The following ROBO2 variants were observed in gnomAD, a reference collection of about 807,000 sequenced individuals.
ROBO2 encodes roundabout homolog 2.
Under a neutral mutation model 160.8 loss-of-function variants are expected in ROBO2, and 53 were observed. The observed-to-expected ratio is 0.33, with a 90% CI of 0.26 to 0.41. ROBO2 has a LOEUF of 0.41. Among genes scored for constraint, ROBO2 ranks in the 10% least tolerant of loss-of-function variants. The pLI is 1.00. For missense variants in ROBO2, 1,577 were observed against 1,722.4 expected (o/e 0.92, Z 1.49); for synonymous variants, 664 against 611.7 (o/e 1.09, Z -1.26).
intron 2 of ROBO2, among the ~76,000 whole-genome samples, chr3:77,223,231 G>A (rs1421183179): frequency 6.6e-6 from 1 of 152,056 alleles, no homozygotes; most frequent in African/African-American, 2.4e-5. Context: ...CAAAAAATAG[G>A]CTTTGAAAGG....
chr3:76,273,649 C>G (rs1351342505), intron 2 of ROBO2, among the ~76,000 whole-genome samples: 1 of 151,960 alleles, frequency 6.6e-6, no homozygotes, highest in Non-Finnish European at 1.5e-5. Context: ...AACTCACTCA[C>G]GATCATGAGA....
chr3:77,442,448 T>A (rs1398336248), intron 2 of ROBO2, among the ~76,000 whole-genome samples: 1 of 152,168 alleles, frequency 6.6e-6, no homozygotes, highest in Non-Finnish European at 1.5e-5. Context: ...TTTCAAACTT[T>A]TTTCACCCAA....
intron 1 of ROBO2, among the ~76,000 whole-genome samples, chr3:75,930,010 A>G (rs1257457139): frequency 6.6e-6 from 1 of 152,148 alleles, no homozygotes; most frequent in African/African-American, 2.4e-5. Context: ...TCATTTATTT[A>G]AGGCTTTAGA....
At chr3:76,028,277 G>A (rs1294978399) in intron 2 of ROBO2, among the ~76,000 whole-genome samples, 1 of 151,632 alleles carries the variant, frequency 6.6e-6, no homozygotes, top group African/African-American at 2.4e-5. Context: ...AATACATGAA[G>A]GTAAACTAGG....
intron 2 of ROBO2, among the ~76,000 whole-genome samples, chr3:77,318,109 A>G (rs949114781): frequency 6.6e-6 from 1 of 151,768 alleles, no homozygotes; most frequent in Admixed American, 6.6e-5. Flanking sequence ...GTATAGTGGC[A>G]TAGTCTCGGC....
chr3:76,882,086 T>TTG (rs10611502), intron 2 of ROBO2, among the ~76,000 whole-genome samples: 1,579 of 144,438 alleles, frequency 0.011, 26 homozygotes, highest in African/African-American at 0.034. Context: ...CGTAGGTTGG[T>TTG]TGTGTGTGTG....
At chr3:76,984,171 A>C (rs1559800140) in intron 2 of ROBO2, among the ~76,000 whole-genome samples, 1 of 152,154 alleles carries the variant, frequency 6.6e-6, no homozygotes, top group South Asian at 2.1e-4. Context: ...TCTGGGGATT[A>C]CAATTCAAAA....
At position 76,014,390 on chromosome 3, in the gene ROBO2, C is replaced by A. The variant is rs77204374; in HGVS notation, c.109+76788C>A. Among the ~76,000 whole-genome samples, 558 of 114,304 alleles carry A rather than the reference C, an allele frequency of 4.9e-3. 158 individuals are homozygous for A. The highest frequency in any genetic ancestry group is 7.0e-3 in the Non-Finnish European group (338 of 48,310). The allele number at this position is 114,304 out of a possible 152,430, so 75.0% of individuals were successfully genotyped here. A position where few individuals can be genotyped will look rare whatever the true frequency, so the allele number is the denominator to read the frequency against. On this transcript the variant is annotated intron_variant, in intron 2 of 26. Coordinates refer to the ROBO2 transcript ENST00000487694. ...TTATGCGTGTAATCCCAGAAGTAAT[C>A]TGTATAAAGGCAATTGGCGGCTGGC...
In ROBO2 at chr3:77,503,465, A is replaced by C. The variant is rs1032284662; in HGVS notation, c.806+10083A>C. On this transcript the variant is annotated intron_variant, in intron 5 of 25. Transcript: ENST00000461745. ...CGTCAACCCGGGAGGCAGAGCTTGC[A>C]GTGAGCCAAGATCGCGCCACTGCAC... 2.0e-5 allele frequency among the ~76,000 whole-genome samples: 3 copies of C among 151,146 alleles called. No homozygotes were observed. In the East Asian group the frequency reaches 5.8e-4, roughly 29 times the overall value.
chr3:76,776,169 T>G (rs570262831), intron 2 of ROBO2, among the ~76,000 whole-genome samples: 197 of 151,088 alleles, frequency 1.3e-3, no homozygotes, highest in Admixed American at 3.9e-3. Flanking sequence ...AAGAAAAGCA[T>G]GCACATTAAC....
intron 2 of ROBO2, among the ~76,000 whole-genome samples, chr3:76,181,669 A>C (rs1322544016): frequency 6.6e-6 from 1 of 152,140 alleles, no homozygotes; most frequent in Non-Finnish European, 1.5e-5. Flanking sequence ...AAAGGTTAAA[A>C]ATTTTCATTC....
intron 2 of ROBO2, among the ~76,000 whole-genome samples, chr3:76,623,632 C>G (rs548876940): frequency 5.3e-5 from 8 of 152,114 alleles, no homozygotes; most frequent in Non-Finnish European, 7.4e-5. Context: ...TGCACTGCAG[C>G]CTTAAACAGG....
At position 76,536,723 on chromosome 3, in the gene ROBO2, C is replaced by T. The variant is rs117907650; in HGVS notation, c.110-561291C>T. On this transcript the variant is annotated intron_variant, in intron 2 of 26. Transcript: ENST00000487694. ...GGCTAGGGTATAAACAACTCTTTCC[C>T]GCTCATCTGGGGAGAGGGGAGAGGT... Among the ~76,000 whole-genome samples, 712 of 152,192 alleles carry T rather than the reference C, an allele frequency of 4.7e-3. 20 individuals are homozygous for T. Among genetic ancestry groups the T allele is most frequent in the Admixed American group, 0.034 (527 of 15,280 alleles).
At chr3:76,749,623 G>T (rs942199983) in intron 2 of ROBO2, among the ~76,000 whole-genome samples, 2 of 152,070 alleles carry the variant, frequency 1.3e-5, no homozygotes, top group African/African-American at 4.8e-5. Context: ...ATTTAAAAAT[G>T]ATAATGAAAG....
intron 2 of ROBO2, among the ~76,000 whole-genome samples, chr3:76,606,646 G>T (rs980711384): frequency 7.3e-5 from 11 of 151,232 alleles, no homozygotes; most frequent in East Asian, 5.8e-4. Context: ...TATTCTGTTG[G>T]TTTTTTTTGT....
intron 2 of ROBO2, among the ~76,000 whole-genome samples, chr3:77,425,602 T>A (rs973189285): frequency 6.6e-6 from 1 of 150,484 alleles, no homozygotes. Flanking sequence ...ATGAGGAGGA[T>A]GGGGTGATCA....
chr3:77,314,013 C>A (rs2063760026), intron 2 of ROBO2, among the ~76,000 whole-genome samples: 1 of 152,130 alleles, frequency 6.6e-6, no homozygotes, highest in Non-Finnish European at 1.5e-5. Flanking sequence ...CTTCAGTATC[C>A]AGGGTGAAGG....
chr3:76,806,779 T>C (rs2064757296), intron 2 of ROBO2, among the ~76,000 whole-genome samples: 1 of 152,074 alleles, frequency 6.6e-6, no homozygotes, highest in African/African-American at 2.4e-5. Context: ...AGTTGCACTA[T>C]ATAGACACAG....
intron 2 of ROBO2, among the ~76,000 whole-genome samples, chr3:76,057,961 C>T (rs545750324): frequency 1.6e-4 from 25 of 152,172 alleles, no homozygotes; most frequent in African/African-American, 5.8e-4. Context: ...TAAATCACTG[C>T]CTTTACCGTG....
Sources: gnomAD v4.1 joint callset for allele counts (sites outside exome capture counted in the v4.1 genomes callset) on GRCh38, gnomAD v4.1.1 for gene constraint, MANE v1.5 for transcripts, NCBI Gene and HGNC (gene_info 2026-07-23, HGNC 2026-07-21) for gene names.